Variants in CERKL observed in about 807,000 individuals in gnomAD.
CERKL encodes ceramide kinase-like protein.
In CERKL, 61 loss-of-function variants were observed where a neutral mutation model predicts 63.4. That is an observed-to-expected ratio of 0.96 (90% CI 0.78 to 1.19). CERKL has a LOEUF of 1.19. Ranked by LOEUF, CERKL falls within the 50% of genes most tolerant of loss-of-function variation. The pLI is 0.00. For missense variants in CERKL, 675 were observed against 655.5 expected, an observed-to-expected ratio of 1.03 and a Z score of -0.33; for synonymous variants, 250 against 230.5, an observed-to-expected ratio of 1.08 and a Z score of -0.77.
chr2:181,656,801 C>A lies in CERKL; in HGVS notation c.206G>T (p.Arg69Leu). 3.8e-6 allele frequency: 6 copies of A among 1,596,498 alleles called. No individual in the cohort carries two copies. Among genetic ancestry groups the A allele is most frequent in the Non-Finnish European group, 5.1e-6 (6 of 1,169,242 alleles). Residue 69 changes from arginine (R) to leucine (L), a missense_variant, in exon 1 of 13, where the codon CGG (arginine) becomes CTG (leucine). Transcript: ENST00000410087. ...CDVVLSERAL[R>L]WRPIQPERPA... is the part of the protein sequence containing the mutation. ...GCGCTCGGGCTGAATGGGCCGCCACCGCAGTGCTCGCTCGCTCAGCACCAC... is the reference window on the plus strand; with the variant it reads ...GCGCTCGGGCTGAATGGGCCGCCACAGCAGTGCTCGCTCGCTCAGCACCAC...
At chr2:181,609,751 T>C (rs1246147432) in intron 1 of CERKL, among the ~76,000 whole-genome samples, 2 of 151,792 alleles carry the variant, frequency 1.3e-5, no homozygotes. Context: ...ACACACCCTA[T>C]CAGATATATT....
At chr2:181,566,148 CAA>C in intron 3 of CERKL, 27 bp from the exon 4 acceptor site, 1 of 1,563,974 alleles carries the variant, frequency 6.4e-7, no homozygotes, top group Non-Finnish European at 8.8e-7. Flanking sequence ...CACACATACA[CAA>C]AGTGACAGTT....
rs141478628 is a variant in CERKL at position 181,604,597 on chromosome 2, C to T, written c.239-518G>A. On this transcript the variant is annotated intron_variant, in intron 1 of 12. Transcript: ENST00000410087. ...AAGAATTCCAAGAACATAAACAAAGCGACATTTTAGTAATAAATTGGTGTC... is the reference window on the plus strand; with the variant it reads ...AAGAATTCCAAGAACATAAACAAAGTGACATTTTAGTAATAAATTGGTGTC... 4.0e-3 allele frequency among the ~76,000 whole-genome samples: 606 copies of T among 152,124 alleles called. 3 individuals carry two copies. Among genetic ancestry groups the T allele is most frequent in the African/African-American group, 0.014 (567 of 41,502 alleles).
chr2:181,640,825 G>T (rs1056354399), intron 1 of CERKL, among the ~76,000 whole-genome samples: 20 of 152,130 alleles, frequency 1.3e-4, no homozygotes, highest in African/African-American at 4.3e-4. Context: ...TAATGACCTT[G>T]GTCCAGTCTA....
intron 5 of CERKL, among the ~76,000 whole-genome samples, chr2:181,556,317 T>A (rs1465213051): frequency 6.6e-6 from 1 of 152,090 alleles, no homozygotes; most frequent in Non-Finnish European, 1.5e-5. Flanking sequence ...TATGTATACA[T>A]GTGCCATGTT....
chr2:181,604,038 C>T lies in CERKL; in HGVS notation c.280G>A (p.Glu94Lys), dbSNP rs865993448. ...YDLLCKEEFI[E>K]LKDIFSVKLK... ...TTCACAGAGAATATGTCTTTGAGTTCAATAAATTCTTCTTTACATAGCAAG... is the reference window on the plus strand; with the variant it reads ...TTCACAGAGAATATGTCTTTGAGTTTAATAAATTCTTCTTTACATAGCAAG... Residue 94 changes from glutamate to lysine, a missense_variant, in exon 2 of 13, where the codon GAA (glutamate) becomes AAA (lysine). By Grantham distance (56) the Glu-to-Lys change is moderately conservative. Transcript: ENST00000410087. The T allele has an allele frequency of 6.2e-7, 1 of 1,604,494 alleles. No homozygotes were observed. Among genetic ancestry groups the T allele is most frequent in the Non-Finnish European group, 8.5e-7 (1 of 1,172,282 alleles).
intron 2 of CERKL, among the ~76,000 whole-genome samples, chr2:181,599,134 A>G (rs1040218949): frequency 6.6e-6 from 1 of 152,248 alleles, no homozygotes; most frequent in Admixed American, 6.5e-5. Context: ...TCCATTTCAA[A>G]TAAACCAGAA....
chr2:181,565,141 C>G (rs944559522), intron 4 of CERKL, among the ~76,000 whole-genome samples: 1 of 152,158 alleles, frequency 6.6e-6, no homozygotes, highest in African/African-American at 2.4e-5. Flanking sequence ...TGCATCACTT[C>G]CCTCCCCAGC....
At chr2:181,562,659 T>C (rs1447570569) in intron 4 of CERKL, among the ~76,000 whole-genome samples, 1 of 152,178 alleles carries the variant, frequency 6.6e-6, no homozygotes, top group East Asian at 1.9e-4. Context: ...CTCCTTGCCA[T>C]GGCTCCAAAC....
intron 11 of CERKL, among the ~76,000 whole-genome samples, chr2:181,540,341 A>C (rs1687443761): frequency 6.6e-6 from 1 of 152,202 alleles, no homozygotes; most frequent in South Asian, 2.1e-4. Context: ...GTTAGTTGAT[A>C]ATTCATTTAA....
intron 1 of CERKL, among the ~76,000 whole-genome samples, chr2:181,614,535 A>C (rs1686110470): frequency 6.6e-6 from 1 of 152,302 alleles, no homozygotes; most frequent in East Asian, 1.9e-4. Flanking sequence ...TTTTGTTTAT[A>C]AAATTTTACT....
At chr2:181,568,039 G>C (rs1688739413) in intron 3 of CERKL, among the ~76,000 whole-genome samples, 1 of 152,178 alleles carries the variant, frequency 6.6e-6, no homozygotes, top group East Asian at 1.9e-4. Flanking sequence ...AGCCTTCACA[G>C]TTTACAGGTC....
In CERKL at chr2:181,537,180, G is replaced by GATC. The variant is rs1015840339; in HGVS notation, c.*1001_*1003dup. The GATC allele has an allele frequency of 2.9e-5, 13 of 453,630 alleles. No homozygotes were observed. Among genetic ancestry groups the GATC allele is most frequent in the African/African-American group, 6.0e-5 (3 of 49,952 alleles). The allele number at this position is 453,630 out of a possible 1,614,324, so 28.1% of individuals were successfully genotyped here. A position where few individuals can be genotyped will look rare whatever the true frequency, so the allele number is the denominator to read the frequency against. On this transcript the variant is annotated 3_prime_UTR_variant, in exon 13 of 13. Transcript: ENST00000410087. ...GTCATTCTTTCAGGAGAACATCTAG[G>GATC]ATCATAGATGAAAAATCAAGCCCCG...
chr2:181,599,818 C>T (rs887904423), intron 2 of CERKL, among the ~76,000 whole-genome samples: 13 of 151,996 alleles, frequency 8.6e-5, no homozygotes, highest in Non-Finnish European at 1.3e-4. Context: ...CTAATCTTGC[C>T]AGAGAGGTTA....
chr2:181,547,273 T>C (rs773214427), intron 10 of CERKL, among the ~76,000 whole-genome samples: 39 of 152,214 alleles, frequency 2.6e-4, no homozygotes, highest in Non-Finnish European at 5.4e-4. Context: ...TATGTTTGCA[T>C]TAAAGTTGGA....
At chr2:181,551,223 T>A (rs60199336) in intron 5 of CERKL, among the ~76,000 whole-genome samples, 2 of 152,106 alleles carry the variant, frequency 1.3e-5, no homozygotes, top group African/African-American at 4.8e-5. Flanking sequence ...CATGAATGAA[T>A]TGTCAGAGCT....
chr2:181,587,931 G>T (rs1367706296), intron 2 of CERKL, among the ~76,000 whole-genome samples: 5 of 152,036 alleles, frequency 3.3e-5, no homozygotes. Flanking sequence ...CCATTATAAA[G>T]AGTCGTGAAA....
intron 2 of CERKL, among the ~76,000 whole-genome samples, chr2:181,577,979 A>C (rs1347092574): frequency 1.3e-5 from 2 of 152,060 alleles, no homozygotes; most frequent in African/African-American, 4.8e-5. Flanking sequence ...TATACTTTTC[A>C]CCAAGTGACC....
chr2:181,607,965 C>A (rs1224609244), intron 1 of CERKL, among the ~76,000 whole-genome samples: 1 of 152,204 alleles, frequency 6.6e-6, no homozygotes, highest in Non-Finnish European at 1.5e-5. Context: ...ATCAGCTAGT[C>A]AAACAATTAA....
Sources: gnomAD v4.1 joint callset for allele counts (sites outside exome capture counted in the v4.1 genomes callset) on GRCh38, gnomAD v4.1.1 for gene constraint, MANE v1.5 for transcripts, NCBI Gene and HGNC (gene_info 2026-07-23, HGNC 2026-07-21) for gene names.